Variants in PLEKHA1 observed in about 807,000 individuals in gnomAD.
PLEKHA1 encodes pleckstrin homology domain-containing family A member 1.
A neutral mutation model predicts 52.0 loss-of-function variants in PLEKHA1; 34 were observed. That is an observed-to-expected ratio of 0.65 (90% CI 0.50 to 0.87). The LOEUF (loss-of-function observed/expected upper bound fraction) is 0.87, where lower values mean the gene tolerates loss of function less well. Among genes scored for constraint, PLEKHA1 ranks in the 40% least tolerant of loss-of-function variants. The pLI, the probability that PLEKHA1 is intolerant of heterozygous loss-of-function variation, is 0.00. For synonymous variants in PLEKHA1, 163 were observed against 170.7 expected (o/e 0.95, Z 0.35); for missense variants, 497 against 504.2 (o/e 0.99, Z 0.14).
At chr10:122,380,451 G>T (rs2096598686) in intron 1 of PLEKHA1, among the ~76,000 whole-genome samples, 1 of 152,288 alleles carries the variant, frequency 6.6e-6, no homozygotes, top group South Asian at 2.1e-4. Context: ...TAGCAAAACG[G>T]TTTGGAGGAT....
downstream of PLEKHA1, chr10:122,437,024 G>A (rs1052519309): frequency 1.9e-5 from 1 of 51,728 alleles, no homozygotes; most frequent in African/African-American, 8.7e-5. Flanking sequence ...GCCTGTCTTT[G>A]GTACCTTATC....
intron 8 of PLEKHA1, chr10:122,421,250 C>T (rs10887151): frequency 0.46 from 69,449 of 151,854 alleles, 16,852 homozygotes; most frequent in East Asian, 0.62. Context: ...TCTGTGAAAT[C>T]CCTGCCCAAG....
intron 5 of PLEKHA1, among the ~76,000 whole-genome samples, chr10:122,410,678 A>G (rs1590710381): frequency 6.6e-6 from 1 of 152,232 alleles, no homozygotes; most frequent in African/African-American, 2.4e-5. Flanking sequence ...ACAAATTAGA[A>G]GCAGTGAGCT....
At chr10:122,407,947 G>C (rs2097047382) in intron 5 of PLEKHA1, among the ~76,000 whole-genome samples, 2 of 152,096 alleles carry the variant, frequency 1.3e-5, no homozygotes, top group Admixed American at 1.3e-4. Flanking sequence ...GAGTTTAGTC[G>C]AATCTTTTTG....
Position 122,415,980 on chromosome 10 carries a change from A to G in PLEKHA1, c.590A>G (p.Tyr197Cys). Residue 197 changes from tyrosine (Y) to cysteine (C), a missense_variant, in exon 7 of 12, where the codon TAT (tyrosine) becomes TGT (cysteine). By Grantham distance (194) the Tyr-to-Cys change is radical. Coordinates refer to ENST00000368990, the MANE Select transcript of PLEKHA1 (RefSeq NM_001001974.4). ...PQDSAVIKAG[Y>C]CVKQGAVMKN... ...GATAGTGCGGTTATCAAAGCTGGAT[A>G]TTGTGTAAAACAAGGAGCAGTGGTG... 6.2e-7 allele frequency: 1 copy of G among 1,613,022 alleles called. No homozygotes were observed. Among genetic ancestry groups the G allele is most frequent in the Non-Finnish European group, 8.5e-7 (1 of 1,179,516 alleles).
chr10:122,391,583 T>C (rs2096776181), intron 1 of PLEKHA1, among the ~76,000 whole-genome samples: 1 of 152,214 alleles, frequency 6.6e-6, no homozygotes, highest in Admixed American at 6.5e-5. Flanking sequence ...GATGTATAGG[T>C]TGAAATCAGT....
At chr10:122,384,260 AT>A (rs1217222927) in intron 1 of PLEKHA1, among the ~76,000 whole-genome samples, 1 of 152,082 alleles carries the variant, frequency 6.6e-6, no homozygotes, top group Non-Finnish European at 1.5e-5. Context: ...AGTTGCAAAT[AT>A]TTTCTACTGG....
rs753876935 is a variant in PLEKHA1 at position 122,415,946 on chromosome 10, C to A, written c.556C>A (p.Pro186Thr). 4.3e-6 allele frequency: 7 copies of A among 1,613,658 alleles called. No individual in the cohort carries two copies. The Admixed American group carries it at 5.0e-5, about 12-fold the overall frequency. ...QSHLPYFTPK[P>T]PQDSAVIKAG... ...CCATCTTCCTTACTTTACTCCTAAA[C>A]CACCTCAAGATAGTGCGGTTATCAA... Residue 186 changes from proline (P) to threonine (T), a missense_variant, in exon 7 of 12, where the codon CCA becomes ACA. Coordinates refer to ENST00000368990, the MANE Select transcript of PLEKHA1 (RefSeq NM_001001974.4).
At chr10:122,375,973 C>T (rs1346249432) in intron 1 of PLEKHA1, among the ~76,000 whole-genome samples, 1 of 152,122 alleles carries the variant, frequency 6.6e-6, no homozygotes, top group Non-Finnish European at 1.5e-5. Flanking sequence ...AAATAGTGCA[C>T]TATGAGGTTT....
At chr10:122,395,293 A>G (rs1323423369) in intron 2 of PLEKHA1, among the ~76,000 whole-genome samples, 3 of 152,134 alleles carry the variant, frequency 2.0e-5, no homozygotes, top group East Asian at 3.9e-4. Context: ...TAAGTACAGA[A>G]TTTAAATATT....
At chr10:122,411,450 A>T (rs189622197) in intron 5 of PLEKHA1, among the ~76,000 whole-genome samples, 1 of 152,204 alleles carries the variant, frequency 6.6e-6, no homozygotes, top group East Asian at 1.9e-4. Flanking sequence ...GCAAATCCTT[A>T]TCTGCATTGT....
chr10:122,386,441 T>C (rs995334500), intron 1 of PLEKHA1, among the ~76,000 whole-genome samples: 6 of 152,170 alleles, frequency 3.9e-5, no homozygotes, highest in African/African-American at 1.4e-4. Context: ...ATGGCTTGTC[T>C]TTTCATTTCT....
chr10:122,413,185 T>C (rs996805191), intron 6 of PLEKHA1, 140 bp downstream of exon 6: 12 of 768,938 alleles, frequency 1.6e-5, no homozygotes, highest in Admixed American at 3.9e-5. Context: ...ATTTCAAAAG[T>C]ATTTATTATA....
chr10:122,379,699 A>G (rs747932843), intron 1 of PLEKHA1, among the ~76,000 whole-genome samples: 19 of 152,148 alleles, frequency 1.2e-4, no homozygotes, highest in African/African-American at 3.9e-4. Flanking sequence ...TTGATCCTCT[A>G]TGTCTATATA....
chr10:122,404,941 T>G (rs1487038173), intron 4 of PLEKHA1, among the ~76,000 whole-genome samples: 1 of 152,182 alleles, frequency 6.6e-6, no homozygotes, highest in African/African-American at 2.4e-5. Flanking sequence ...CTTTTAAAAT[T>G]TTGGTGGAGA....
intron 7 of PLEKHA1, 120 bp downstream of exon 7, chr10:122,416,122 C>A: frequency 8.9e-7 from 1 of 1,120,124 alleles, no homozygotes; most frequent in Non-Finnish European, 1.2e-6. Flanking sequence ...GACCGGCATG[C>A]TGAGGAGAGT....
chr10:122,397,574 G>T (rs1655253933), intron 2 of PLEKHA1, among the ~76,000 whole-genome samples: 1 of 152,034 alleles, frequency 6.6e-6, no homozygotes, highest in Non-Finnish European at 1.5e-5. Flanking sequence ...AATTATATTT[G>T]TTTTCTGCCT....
At chr10:122,396,912 A>G (rs1253444815) in intron 2 of PLEKHA1, among the ~76,000 whole-genome samples, 6 of 152,058 alleles carry the variant, frequency 3.9e-5, no homozygotes, top group Non-Finnish European at 7.4e-5. Context: ...ATTATAAGAT[A>G]TATTATAAAA....
At chr10:122,411,942 A>G (rs1590727869) in intron 5 of PLEKHA1, 1 of 152,234 alleles carries the variant, frequency 6.6e-6, no homozygotes, top group South Asian at 2.1e-4. Context: ...ATTGGAGAAG[A>G]CTAAATCATG....
Sources: allele counts gnomAD v4.1 joint callset (sites outside exome capture counted in the v4.1 genomes callset), GRCh38; gene constraint gnomAD v4.1.1; transcripts MANE v1.5; gene names NCBI Gene and HGNC (gene_info 2026-07-23, HGNC 2026-07-21).